METTL14: variants seen among roughly 807,000 people sequenced by gnomAD.
METTL14 encodes the protein methyltransferase 14, N6-adenosine-methyltransferase non-catalytic subunit, also known as N(6)-adenosine-methyltransferase non-catalytic subunit METTL14.
In METTL14, 32 loss-of-function variants were observed where a neutral mutation model predicts 62.4. That is an observed-to-expected ratio of 0.51 (90% confidence interval 0.39 to 0.69). The LOEUF is 0.69. Ranked by LOEUF, METTL14 falls within the 30% of genes least tolerant of loss-of-function variation. METTL14 has a pLI of 0.00. For missense variants in METTL14, 340 were observed against 551.9 expected (o/e 0.62, Z 3.85); for synonymous variants, 150 against 180.0 (o/e 0.83, Z 1.34).
rs1424561116 is a variant in METTL14, at chr4:118,705,819, CA to C, written c.1065del (p.Gly356AlafsTer30). ...HLFGRDSTIRPGWLTVGPTLT... is the reference protein window; with the variant it reads ...HLFGRDSTIRXGWLTVGPTLT... ...TTTGGAAGAGATAGTACAATTCGAC[CA>C]GGTAGGACCTCAGTTAACAACAACT... On this transcript the variant is annotated frameshift_variant and splice_region_variant, in exon 10 of 11. Transcript: ENST00000388822. LOFTEE classifies it high-confidence loss of function. 1.9e-6 allele frequency: 3 copies of C among 1,609,130 alleles called. No homozygotes were observed. The highest frequency in any genetic ancestry group is 2.5e-6 in the Non-Finnish European group (3 of 1,176,668).
intron 7 of METTL14, among the ~76,000 whole-genome samples, chr4:118,697,777 G>A (rs548369286): frequency 1.3e-5 from 2 of 152,258 alleles, no homozygotes; most frequent in South Asian, 4.1e-4. Flanking sequence ...CAATTTTGTT[G>A]ATTAAACGAT....
rs1725012006 is a variant in METTL14 at position 118,714,994 on chromosome 4, T to G, written c.*4692T>G. On this transcript the variant is annotated 3_prime_UTR_variant, in exon 11 of 11. Transcript: ENST00000388822. ...TTGCTTGAGACAGGAAACTATCACCTTTGAAAGCATATTAAGTAGTTGGCT... is the reference window on the plus strand; with the variant it reads ...TTGCTTGAGACAGGAAACTATCACCGTTGAAAGCATATTAAGTAGTTGGCT... 6.6e-6 allele frequency: 1 copy of G among 152,236 alleles called. No individual in the cohort carries two copies. The highest frequency in any genetic ancestry group is 6.5e-5 in the Admixed American group (1 of 15,274). The allele number at this position is 152,236 out of a possible 1,614,324, so 9.4% of individuals were successfully genotyped here.
intron 8 of METTL14, among the ~76,000 whole-genome samples, chr4:118,703,023 C>T (rs370067190): frequency 6.7e-6 from 1 of 150,360 alleles, no homozygotes; most frequent in Admixed American, 6.6e-5. Context: ...AGGTTTGTTA[C>T]ATAGGTATAC....
chr4:118,696,117 C>CAAAAAAAAAAAAAAA (rs70941201), intron 6 of METTL14, among the ~76,000 whole-genome samples: 706 of 33,908 alleles, frequency 0.021, 148 homozygotes, highest in Non-Finnish European at 0.027. Context: ...GACTCTGTCT[C>CAAAAAAAAAAAAAAA]AAAAAAAAAA....
intron 7 of METTL14, 149 bp downstream of exon 7, chr4:118,697,472 A>C (rs1579070883): frequency 3.0e-6 from 2 of 667,908 alleles, no homozygotes; most frequent in Admixed American, 7.3e-5. Context: ...TGAAGGTCCA[A>C]GGTACATTGA....
chr4:118,714,894 A>C lies in METTL14; in HGVS notation c.*4592A>C, dbSNP rs1270906599. 6.6e-6 allele frequency: 1 copy of C among 152,248 alleles called. No individual in the cohort carries two copies. The highest frequency in any genetic ancestry group is 2.4e-5 in the African/African-American group (1 of 41,460). 9.4% of individuals were successfully genotyped at this position (152,248 alleles called of 1,614,324 possible). On this transcript the variant is annotated 3_prime_UTR_variant, in exon 11 of 11. Coordinates refer to ENST00000388822, the MANE Select transcript of METTL14 (RefSeq NM_020961.4). ...GAGCCTCTGCAACTGGCCAACATGC[A>C]TATTTAAATTATGCATGCATTGTAG...
chr4:118,713,431 C>G lies in METTL14; in HGVS notation c.*3129C>G, dbSNP rs1049720500. Reference sequence around the variant, plus strand: ...TACAGCGCTTAATTTAAAACCTGTACTGTTTTCATCCTGAATTTAGAACAT... The same window carrying G: ...TACAGCGCTTAATTTAAAACCTGTAGTGTTTTCATCCTGAATTTAGAACAT... On this transcript the variant is annotated 3_prime_UTR_variant, in exon 11 of 11. Coordinates refer to ENST00000388822, the MANE Select transcript of METTL14 (RefSeq NM_020961.4). The G allele has an allele frequency of 2.0e-5, 3 of 152,164 alleles. No individual in the cohort carries two copies. The highest frequency in any genetic ancestry group is 7.2e-5 in the African/African-American group (3 of 41,436). 9.4% of individuals were successfully genotyped at this position (152,164 alleles called of 1,614,324 possible). A position where few individuals can be genotyped will look rare whatever the true frequency, so the allele number is the denominator to read the frequency against.
At chr4:118,708,185 A>G (rs1229742728) in intron 10 of METTL14, among the ~76,000 whole-genome samples, 2 of 152,182 alleles carry the variant, frequency 1.3e-5, no homozygotes, top group Admixed American at 6.5e-5. Flanking sequence ...GATAAAACAC[A>G]ATGTTGCTGT....
At chr4:118,689,155 A>G (rs1044834118) in intron 2 of METTL14, among the ~76,000 whole-genome samples, 7 of 152,150 alleles carry the variant, frequency 4.6e-5, no homozygotes, top group Non-Finnish European at 1.0e-4. Flanking sequence ...ATAGCAGCTT[A>G]TTTTCTCATT....
intron 10 of METTL14, among the ~76,000 whole-genome samples, chr4:118,709,192 T>C (rs1364883885): frequency 6.6e-6 from 1 of 152,238 alleles, no homozygotes; most frequent in African/African-American, 2.4e-5. Context: ...ATAGAAGCAG[T>C]TACTATAGTA....
chr4:118,687,322 A>G (rs989829091), intron 1 of METTL14, among the ~76,000 whole-genome samples: 2 of 152,208 alleles, frequency 1.3e-5, no homozygotes, highest in African/African-American at 4.8e-5. Context: ...CAGTACTCAA[A>G]AAGTTCCAGA....
At chr4:118,687,093 A>T (rs1184595170) in intron 1 of METTL14, among the ~76,000 whole-genome samples, 3 of 152,228 alleles carry the variant, frequency 2.0e-5, no homozygotes, top group Non-Finnish European at 4.4e-5. Context: ...TTAACATGGT[A>T]CCCACAACCC....
chr4:118,696,044 A>G (rs1724398323), intron 6 of METTL14, among the ~76,000 whole-genome samples: 1 of 135,540 alleles, frequency 7.4e-6, no homozygotes, highest in Admixed American at 8.9e-5. Context: ...GTTTGAACCC[A>G]GGAGGTGGAG....
At chr4:118,707,256 A>G (rs953069552) in intron 10 of METTL14, among the ~76,000 whole-genome samples, 8 of 152,180 alleles carry the variant, frequency 5.3e-5, no homozygotes, top group African/African-American at 1.7e-4. Flanking sequence ...TCTTGCAAAA[A>G]TTTAGTATTA....
Position 118,685,538 on chromosome 4 carries a change from G to C in METTL14, c.4G>C (p.Asp2His). M[D>H]SRLQEIRERQ... ...AGTGAAAAGCCGGAGTTGGAACATG[G>C]ATAGCCGCTTGCAGGAGATCCGGGA... Residue 2 changes from aspartate (D) to histidine (H), a missense_variant, in exon 1 of 11, where the codon GAT (aspartate) becomes CAT (histidine). Coordinates refer to ENST00000388822, the MANE Select transcript of METTL14 (RefSeq NM_020961.4). 6.2e-7 allele frequency: 1 copy of C among 1,614,172 alleles called. No individual in the cohort carries two copies. The highest frequency in any genetic ancestry group is 8.5e-7 in the Non-Finnish European group (1 of 1,180,016).
intron 9 of METTL14, among the ~76,000 whole-genome samples, chr4:118,705,162 C>A (rs78063020): frequency 0.029 from 4,473 of 152,128 alleles, 215 homozygotes; most frequent in African/African-American, 0.1. Context: ...CCAGGTTTTC[C>A]TGTTGTTTTG....
intron 7 of METTL14, among the ~76,000 whole-genome samples, chr4:118,698,239 G>A (rs931349765): frequency 6.6e-6 from 1 of 151,930 alleles, no homozygotes; most frequent in African/African-American, 2.4e-5. Flanking sequence ...TGGATCACGA[G>A]GTCAGGAGTT....
At chr4:118,686,607 C>T (rs918152324) in intron 1 of METTL14, 2 of 456,104 alleles carry the variant, frequency 4.4e-6, no homozygotes, top group African/African-American at 4.0e-5. Flanking sequence ...TCCTTTGTTC[C>T]TTATCCCGCT....
intron 4 of METTL14, 91 bp from the exon 5 acceptor site, chr4:118,691,890 T>G (rs6821350): frequency 0.33 from 275,272 of 825,620 alleles, 48,241 homozygotes; most frequent in Non-Finnish European, 0.37. Flanking sequence ...TTGATTGCAT[T>G]TTATATCACC....
Sources: gnomAD v4.1 joint callset for allele counts (sites outside exome capture counted in the v4.1 genomes callset) on GRCh38, gnomAD v4.1.1 for gene constraint, MANE v1.5 for transcripts, NCBI Gene and HGNC (gene_info 2026-07-23, HGNC 2026-07-21) for gene names.